PKIB: variants seen among roughly 807,000 people sequenced by gnomAD.
The protein encoded by PKIB is PKI-beta.
In PKIB, 2 loss-of-function variants were observed where a neutral mutation model predicts 4.5. The ratio of observed to expected loss-of-function variants is 0.44; its 90% CI spans 0.18 to 1.39. PKIB has a LOEUF of 1.39. PKIB is among the 40% of genes most tolerant of loss of function. The pLI is 0.27. For synonymous variants in PKIB, 38 were observed against 36.0 expected, an observed-to-expected ratio of 1.06 and a Z score of -0.20; for missense variants, 94 against 92.6, an observed-to-expected ratio of 1.02 and a Z score of -0.06.
At chr6:122,532,769 A>T (rs1458581826) in intron 2 of PKIB, among the ~76,000 whole-genome samples, 1 of 152,116 alleles carries the variant, frequency 6.6e-6, no homozygotes, top group Non-Finnish European at 1.5e-5. Flanking sequence ...CCATCCTTTG[A>T]CAGACATTTG....
chr6:122,528,158 G>A (rs769574390), intron 2 of PKIB, among the ~76,000 whole-genome samples: 1 of 152,106 alleles, frequency 6.6e-6, no homozygotes, highest in Non-Finnish European at 1.5e-5. Flanking sequence ...TTTTTGATTT[G>A]AAGGCTGTTT....
intron 3 of PKIB, among the ~76,000 whole-genome samples, chr6:122,682,675 G>C (rs1317587024): frequency 1.3e-5 from 2 of 152,042 alleles, no homozygotes; most frequent in Non-Finnish European, 2.9e-5. Flanking sequence ...CCTGGGTGCT[G>C]CCCATCACCT....
intron 3 of PKIB, among the ~76,000 whole-genome samples, chr6:122,684,004 T>C (rs1778002372): frequency 6.6e-6 from 1 of 152,222 alleles, no homozygotes; most frequent in Non-Finnish European, 1.5e-5. Context: ...GAAAATGTGG[T>C]ATATTTATAC....
At chr6:122,613,141 A>G (rs1397547172) in intron 1 of PKIB, among the ~76,000 whole-genome samples, 6 of 152,318 alleles carry the variant, frequency 3.9e-5, no homozygotes, top group African/African-American at 1.4e-4. Context: ...CATTAATGTC[A>G]ATTGAAAATG....
intron 2 of PKIB, chr6:122,581,811 G>A (rs1018984529): frequency 2.0e-5 from 3 of 151,934 alleles, no homozygotes; most frequent in Admixed American, 6.6e-5. Context: ...TGACTACCGA[G>A]TCAACATTCA....
chr6:122,534,618 T>C (rs1777351533), intron 2 of PKIB, among the ~76,000 whole-genome samples: 1 of 152,112 alleles, frequency 6.6e-6, no homozygotes, highest in African/African-American at 2.4e-5. Flanking sequence ...CACTGGTTCA[T>C]AAATAACTAC....
At chr6:122,665,648 C>G (rs968158275) in intron 2 of PKIB, among the ~76,000 whole-genome samples, 2 of 151,684 alleles carry the variant, frequency 1.3e-5, no homozygotes, top group African/African-American at 2.4e-5. Flanking sequence ...TGAAAGGAAA[C>G]AGACGTTAGG....
chr6:122,690,933 T>TATA (rs397788048), intron 3 of PKIB, among the ~76,000 whole-genome samples: 3,099 of 112,096 alleles, frequency 0.028, 62 homozygotes, highest in African/African-American at 0.065. Flanking sequence ...TATATATATA[T>TATA]TTTTTTTTTT....
chr6:122,485,348 T>G (rs139069544), intron 2 of PKIB, among the ~76,000 whole-genome samples: 250 of 152,300 alleles, frequency 1.6e-3, no homozygotes, highest in African/African-American at 5.8e-3. Flanking sequence ...ACATTGAAAT[T>G]ATTTCCCAAA....
intron 2 of PKIB, among the ~76,000 whole-genome samples, chr6:122,648,158 A>C (rs897681187): frequency 6.6e-6 from 1 of 152,212 alleles, no homozygotes; most frequent in Non-Finnish European, 1.5e-5. Context: ...TGGCAGCCTT[A>C]ACTCCTAGTT....
intron 2 of PKIB, chr6:122,481,632 AATTT>A (rs1363810304): frequency 1.3e-5 from 2 of 152,138 alleles, no homozygotes; most frequent in Admixed American, 6.5e-5. Context: ...TCATGTTGGA[AATTT>A]ATTCTCAAAC....
At chr6:122,483,135 T>A (rs1562224247) in intron 2 of PKIB, 1 of 152,192 alleles carries the variant, frequency 6.6e-6, no homozygotes, top group Non-Finnish European at 1.5e-5. Context: ...GTCGAAGTAT[T>A]ACATTTTTAG....
intron 1 of PKIB, among the ~76,000 whole-genome samples, chr6:122,617,955 T>A (rs926674266): frequency 6.6e-6 from 1 of 152,108 alleles, no homozygotes; most frequent in African/African-American, 2.4e-5. Context: ...CATTTCTTCC[T>A]CTTAAAATTA....
At chr6:122,678,583 A>C (rs1777775224) in intron 3 of PKIB, among the ~76,000 whole-genome samples, 1 of 152,142 alleles carries the variant, frequency 6.6e-6, no homozygotes, top group East Asian at 1.9e-4. Context: ...GAGTGCAATT[A>C]AGTTCAACAA....
chr6:122,558,956 C>T (rs771071800), intron 2 of PKIB, among the ~76,000 whole-genome samples: 5 of 152,150 alleles, frequency 3.3e-5, no homozygotes, highest in Admixed American at 6.6e-5. Context: ...TACGCCTTTG[C>T]GCCCTCACAG....
intron 2 of PKIB, among the ~76,000 whole-genome samples, chr6:122,498,996 T>A (rs1226702483): frequency 6.6e-6 from 1 of 152,052 alleles, no homozygotes. Context: ...ACACACAATC[T>A]CCCAAGACTG....
At chr6:122,698,141 T>C (rs1404424467) in intron 3 of PKIB, among the ~76,000 whole-genome samples, 1 of 152,198 alleles carries the variant, frequency 6.6e-6, no homozygotes, top group Non-Finnish European at 1.5e-5. Context: ...AACAACTCTC[T>C]ACTGAGCTCT....
chr6:122,690,932 ATT>A (rs1210629019), intron 3 of PKIB, among the ~76,000 whole-genome samples: 5 of 138,766 alleles, frequency 3.6e-5, no homozygotes, highest in East Asian at 2.0e-4. Context: ...ATATATATAT[ATT>A]TTTTTTTTTT....
chr6:122,503,189 A>C (rs1471348268), intron 2 of PKIB, among the ~76,000 whole-genome samples: 1 of 152,202 alleles, frequency 6.6e-6, no homozygotes, highest in East Asian at 1.9e-4. Context: ...ATGCCATCAC[A>C]TTAGGAGGTA....
Sources: allele counts gnomAD v4.1 joint callset (sites outside exome capture counted in the v4.1 genomes callset), GRCh38; gene constraint gnomAD v4.1.1; transcripts MANE v1.5; gene names NCBI Gene and HGNC (gene_info 2026-07-23, HGNC 2026-07-21).